TAFA2: variants seen among roughly 807,000 people sequenced by gnomAD.
The protein encoded by TAFA2 is chemokine-like protein TAFA-2.
A neutral mutation model predicts 18.8 loss-of-function variants in TAFA2; 7 were observed. The ratio of observed to expected loss-of-function variants is 0.37; its 90% confidence interval spans 0.21 to 0.70. The LOEUF is 0.70. Among genes scored for constraint, TAFA2 ranks in the 30% least tolerant of loss-of-function variants. The pLI, the probability that TAFA2 is intolerant of heterozygous loss-of-function variation, is 0.53. For synonymous variants in TAFA2, 60 were observed against 54.2 expected (o/e 1.11, Z -0.47); for missense variants, 122 against 158.1 (o/e 0.77, Z 1.23).
chr12:62,205,910 G>A (rs12422273), intron 1 of TAFA2, among the ~76,000 whole-genome samples: 1 of 152,082 alleles, frequency 6.6e-6, no homozygotes, highest in South Asian at 2.1e-4. Context: ...CTGTGGATAA[G>A]GTGTGGTTTC....
chr12:62,105,814 TCAGAAGGGGATAATG>T (rs1373920467), intron 1 of TAFA2, among the ~76,000 whole-genome samples: 1 of 152,062 alleles, frequency 6.6e-6, no homozygotes. Flanking sequence ...CCACCAGAAG[TCAGAAGGGGATAATG>T]CAGAGAGTAA....
intron 1 of TAFA2, among the ~76,000 whole-genome samples, chr12:62,136,676 T>C (rs560156072): frequency 5.3e-4 from 80 of 152,248 alleles, no homozygotes; most frequent in African/African-American, 1.7e-3. Flanking sequence ...TATTGACAAC[T>C]GAGAAGCCAG....
chr12:61,807,626 C>G lies in TAFA2; in HGVS notation c.107-52602G>C, dbSNP rs148889681. ...CTGGAAAAGTCACAGACACTCAACA[C>G]TAGCCCATGAAAGCAGCCAGGAAGG... On this transcript the variant is annotated intron_variant, in intron 2 of 4. Coordinates refer to ENST00000416284, the MANE Select transcript of TAFA2 (RefSeq NM_178539.5). Among the ~76,000 whole-genome samples, 45 of 151,578 alleles carry G rather than the reference C, an allele frequency of 3.0e-4. No homozygotes were observed. In the East Asian group the frequency reaches 8.5e-3, roughly 29 times the overall value.
At chr12:62,198,874 A>G (rs1039516934) in intron 1 of TAFA2, among the ~76,000 whole-genome samples, 1 of 152,234 alleles carries the variant, frequency 6.6e-6, no homozygotes, top group Non-Finnish European at 1.5e-5. Context: ...GGCCAACTGA[A>G]TAGACACATG....
At chr12:61,944,517 C>T in intron 1 of TAFA2, among the ~76,000 whole-genome samples, 1 of 121,776 alleles carries the variant, frequency 8.2e-6, no homozygotes, top group Middle Eastern at 4.0e-3. Flanking sequence ...AATCCAGGAG[C>T]TGGTTTTTTG....
At chr12:61,743,510 G>A (rs1455812999) in intron 4 of TAFA2, among the ~76,000 whole-genome samples, 1 of 151,874 alleles carries the variant, frequency 6.6e-6, no homozygotes, top group African/African-American at 2.4e-5. Context: ...CTTTACATTT[G>A]CCTCTTTTCT....
At chr12:62,000,073 T>C (rs1186191919) in intron 1 of TAFA2, among the ~76,000 whole-genome samples, 1 of 152,232 alleles carries the variant, frequency 6.6e-6, no homozygotes, top group Non-Finnish European at 1.5e-5. Flanking sequence ...CATTTATTTT[T>C]CCATTAAGAT....
chr12:62,040,604 G>A (rs766308130), intron 1 of TAFA2, among the ~76,000 whole-genome samples: 11 of 152,184 alleles, frequency 7.2e-5, no homozygotes, highest in Middle Eastern at 3.4e-3. Context: ...TAGAGGCTTC[G>A]GGGAGAACAT....
intron 1 of TAFA2, among the ~76,000 whole-genome samples, chr12:62,220,374 G>A (rs1442004631): frequency 6.6e-6 from 1 of 151,950 alleles, no homozygotes; most frequent in Non-Finnish European, 1.5e-5. Flanking sequence ...TGTAAGAATG[G>A]TCAAAATCAA....
At chr12:61,993,223 A>G (rs141296158) in intron 1 of TAFA2, among the ~76,000 whole-genome samples, 2,129 of 152,280 alleles carry the variant, frequency 0.014, 23 homozygotes, top group Middle Eastern at 0.027. Flanking sequence ...GTCAACTACA[A>G]ATCAATGCTT....
rs533416402 is a variant in TAFA2 at position 62,220,896 on chromosome 12, C to T, written c.-130+37867G>A. On this transcript the variant is annotated intron_variant, in intron 1 of 5. Coordinates refer to the TAFA2 transcript ENST00000551619. ...GGCCGAGGCGGGCGGATCACGAGGTCAGGAGTCGAGACCATCCTCGCTAAC... is the reference window on the plus strand; with the variant it reads ...GGCCGAGGCGGGCGGATCACGAGGTTAGGAGTCGAGACCATCCTCGCTAAC... 4.9e-4 allele frequency among the ~76,000 whole-genome samples: 75 copies of T among 152,002 alleles called. 1 individual carries two copies. Among genetic ancestry groups the T allele is most frequent in the African/African-American group, 1.8e-3 (73 of 41,474 alleles).
At chr12:61,742,850 T>G (rs1426452065) in intron 4 of TAFA2, among the ~76,000 whole-genome samples, 1 of 151,998 alleles carries the variant, frequency 6.6e-6, no homozygotes, top group African/African-American at 2.4e-5. Context: ...ATCAATTCCC[T>G]TCCCTCTGCA....
At chr12:61,848,203 G>A (rs1003579844) in intron 2 of TAFA2, among the ~76,000 whole-genome samples, 4 of 152,064 alleles carry the variant, frequency 2.6e-5, no homozygotes, top group East Asian at 1.9e-4. Flanking sequence ...CAAATAAATC[G>A]GAGCTGGTTA....
intron 1 of TAFA2, among the ~76,000 whole-genome samples, chr12:62,180,358 A>C (rs1476275819): frequency 6.6e-6 from 1 of 152,222 alleles, no homozygotes; most frequent in Non-Finnish European, 1.5e-5. Flanking sequence ...GGTTCATTCC[A>C]TTTAAAGCCT....
At chr12:61,715,125 A>G (rs74095413) in intron 4 of TAFA2, among the ~76,000 whole-genome samples, 6,813 of 152,218 alleles carry the variant, frequency 0.045, 521 homozygotes, top group African/African-American at 0.15. Flanking sequence ...AACAAGATAC[A>G]AAAGGTGATA....
At chr12:62,178,313 A>G (rs10877806) in intron 1 of TAFA2, among the ~76,000 whole-genome samples, 4 of 152,056 alleles carry the variant, frequency 2.6e-5, no homozygotes, top group Admixed American at 2.6e-4. Flanking sequence ...AAAATATGAA[A>G]AAAGAAAGAG....
intron 1 of TAFA2, among the ~76,000 whole-genome samples, chr12:62,256,074 G>C (rs1326809352): frequency 6.6e-6 from 1 of 152,030 alleles, no homozygotes; most frequent in Non-Finnish European, 1.5e-5. Flanking sequence ...TTTGAGACCA[G>C]CCTGGCCAGC....
intron 1 of TAFA2, chr12:62,022,239 G>GTCCTGC (rs1881167323): frequency 3.9e-6 from 1 of 255,752 alleles, no homozygotes; most frequent in African/African-American, 2.2e-5. Flanking sequence ...AGCCTTACAT[G>GTCCTGC]TCCTGCTAAA....
At chr12:62,236,519 C>A (rs1383460359) in intron 1 of TAFA2, among the ~76,000 whole-genome samples, 1 of 152,158 alleles carries the variant, frequency 6.6e-6, no homozygotes, top group African/African-American at 2.4e-5. Flanking sequence ...CCCACCTCAG[C>A]CTCCCAAAGT....
Sources: gnomAD v4.1 joint callset for allele counts (sites outside exome capture counted in the v4.1 genomes callset) on GRCh38, gnomAD v4.1.1 for gene constraint, MANE v1.5 for transcripts, NCBI Gene and HGNC (gene_info 2026-07-23, HGNC 2026-07-21) for gene names.